The following FAM200B variants were observed in gnomAD, a reference collection of about 807,000 sequenced individuals.
The protein encoded by FAM200B is zinc finger BED-type containing 11, also known as protein FAM200B.
A neutral mutation model predicts 33.1 loss-of-function variants in FAM200B; 32 were observed. The ratio of observed to expected loss-of-function variants is 0.97; its 90% confidence interval spans 0.73 to 1.30. The LOEUF (loss-of-function observed/expected upper bound fraction) is 1.30, where lower values mean the gene tolerates loss of function less well. Among genes scored for constraint, FAM200B ranks in the 50% most tolerant of loss-of-function variants. FAM200B has a pLI of 0.00. For synonymous variants in FAM200B, 240 were observed against 264.8 expected, an observed-to-expected ratio of 0.91 and a Z score of 0.91; for missense variants, 741 against 754.0, an observed-to-expected ratio of 0.98 and a Z score of 0.20.
chr4:15,680,404 C>G (rs1180987634), upstream of FAM200B, among the ~76,000 whole-genome samples: 1 of 152,188 alleles, frequency 6.6e-6, no homozygotes, highest in Non-Finnish European at 1.5e-5. Context: ...GGTGCAGTGG[C>G]TCACCCCTGT....
chr4:15,671,610 A>G, the FAM200B span, among the ~76,000 whole-genome samples: 2 of 152,020 alleles, frequency 1.3e-5, no homozygotes, highest in Non-Finnish European at 2.9e-5. Flanking sequence ...CTTGGAGTTC[A>G]TATCTTCTTG....
chr4:15,661,172 G>T, the FAM200B span, among the ~76,000 whole-genome samples: 1 of 151,984 alleles, frequency 6.6e-6, no homozygotes, highest in Non-Finnish European at 1.5e-5. Context: ...TCCCTAAAAT[G>T]TCTCTACCAA....
rs1380878318 is a variant in FAM200B, at chr4:15,689,601, T to TTA, written c.*652_*653dup. The stretch of plus-strand genomic sequence containing the variant: ...CCATCCTGGGCAACATAGTGAGACC[T>TTA]TATTTCTACTAAAAATATTTTAAAA... On this transcript the variant is annotated 3_prime_UTR_variant, in exon 2 of 2. Transcript: ENST00000422728. The TTA allele has an allele frequency of 7.3e-5, 12 of 164,516 alleles. No homozygotes were observed. The highest frequency in any genetic ancestry group is 2.4e-5 in the African/African-American group (1 of 41,410). 10.2% of individuals were successfully genotyped at this position (164,516 alleles called of 1,614,324 possible). A position where few individuals can be genotyped will look rare whatever the true frequency, so the allele number is the denominator to read the frequency against.
the FAM200B span, among the ~76,000 whole-genome samples, chr4:15,674,268 A>G: frequency 6.6e-6 from 1 of 151,616 alleles, no homozygotes; most frequent in Non-Finnish European, 1.5e-5. Flanking sequence ...TTTGGAGGAA[A>G]TAGGATTGTT....
At chr4:15,674,901 G>A in the FAM200B span, among the ~76,000 whole-genome samples, 1 of 151,996 alleles carries the variant, frequency 6.6e-6, no homozygotes, top group African/African-American at 2.4e-5. Flanking sequence ...CGTCTGCCTC[G>A]GCCTCCCAAA....
the FAM200B span, chr4:15,640,981 A>G: frequency 9.5e-4 from 481 of 505,552 alleles, 2 homozygotes; most frequent in South Asian, 4.2e-3. Flanking sequence ...ACCTCCGGGG[A>G]AAAAAAAATA....
chr4:15,670,139 A>G, the FAM200B span, among the ~76,000 whole-genome samples: 2 of 152,164 alleles, frequency 1.3e-5, no homozygotes, highest in African/African-American at 2.4e-5. Context: ...TAGTATTCTC[A>G]TATGTGTTCC....
Position 15,688,905 on chromosome 4 carries a change from T to C in FAM200B, c.1928T>C (p.Val643Ala). The change falls in exon 2 of 2, where the codon GTT (valine) becomes GCT (alanine). Residue 643 changes from valine (V) to alanine (A), a missense_variant. Transcript: ENST00000422728. ...AVMRVALSSC[V>A]PDWNELMNRQ... ...ATGCGGGTAGCATTATCTTCCTGTGTTCCAGACTGGAATGAACTTATGAAC... is the reference window on the plus strand; with the variant it reads ...ATGCGGGTAGCATTATCTTCCTGTGCTCCAGACTGGAATGAACTTATGAAC... 1 of 1,543,624 alleles carries C rather than the reference T, an allele frequency of 6.5e-7. No individual in the cohort carries two copies. Among genetic ancestry groups the C allele is most frequent in the South Asian group, 1.2e-5 (1 of 82,934 alleles).
At chr4:15,655,404 G>C in the FAM200B span, 1 of 1,021,220 alleles carries the variant, frequency 9.8e-7, no homozygotes, top group Non-Finnish European at 1.2e-6. Context: ...GTCGGCGCGC[G>C]CGCCCGGTCG....
Position 15,686,849 on chromosome 4 carries a change from T to C in FAM200B, c.-129T>C, listed in dbSNP as rs1459294000. 6.1e-6 allele frequency: 3 copies of C among 488,074 alleles called. No individual in the cohort carries two copies. The highest frequency in any genetic ancestry group is 3.6e-6 in the Non-Finnish European group (1 of 277,910). The allele number at this position is 488,074 out of a possible 1,614,324, so 30.2% of individuals were successfully genotyped here. ...GCAACTAGTTGTGAAGTCTGAAATATTCGATTCAATTGCAAACTTTGAGTG... is the reference window on the plus strand; with the variant it reads ...GCAACTAGTTGTGAAGTCTGAAATACTCGATTCAATTGCAAACTTTGAGTG... On this transcript the variant is annotated 5_prime_UTR_variant, in exon 2 of 2. Transcript: ENST00000422728.
At chr4:15,636,817 G>A in the FAM200B span, 1 of 589,524 alleles carries the variant, frequency 1.7e-6, no homozygotes, top group South Asian at 2.6e-5. Flanking sequence ...GAAATAACAT[G>A]TATTAGAGGT....
chr4:15,676,008 A>G, the FAM200B span, among the ~76,000 whole-genome samples: 1 of 152,228 alleles, frequency 6.6e-6, no homozygotes, highest in Admixed American at 6.5e-5. Flanking sequence ...GGTGAAAAAG[A>G]GCTCTACTTT....
chr4:15,658,574 C>T, the FAM200B span, among the ~76,000 whole-genome samples: 5 of 151,854 alleles, frequency 3.3e-5, no homozygotes, highest in East Asian at 7.7e-4. Context: ...CTGAGTCCCT[C>T]GCCATGTGAT....
rs1308104705 is a variant in FAM200B, at chr4:15,688,023, C to T, written c.1046C>T (p.Ala349Val). 1 of 1,550,438 alleles carries T rather than the reference C, an allele frequency of 6.4e-7. No homozygotes were observed. The highest frequency in any genetic ancestry group is 8.7e-7 in the Non-Finnish European group (1 of 1,146,190). The change falls in exon 2 of 2, where the codon GCA becomes GTA. Residue 349 changes from alanine to valine, a missense_variant. Physicochemically the swap from Ala to Val is moderately conservative, Grantham distance 64 (BLOSUM62 0). Coordinates refer to ENST00000422728, the MANE Select transcript of FAM200B (RefSeq NM_001145191.2). ...PQNLMEVLKN[A>V]VKVVNFIKGS... ...AATCTCATGGAGGTATTGAAAAATG[C>T]AGTGAAAGTTGTTAATTTTATTAAA...
At chr4:15,653,523 C>A in the FAM200B span, among the ~76,000 whole-genome samples, 1 of 152,154 alleles carries the variant, frequency 6.6e-6, no homozygotes, top group African/African-American at 2.4e-5. Flanking sequence ...GGAAAATGGA[C>A]ACACGCACAA....
upstream of FAM200B, among the ~76,000 whole-genome samples, chr4:15,678,263 C>T (rs767023223): frequency 2.0e-5 from 3 of 152,166 alleles, no homozygotes; most frequent in Non-Finnish European, 4.4e-5. Flanking sequence ...TTCAATCTAA[C>T]AAGAATGGCT....
At chr4:15,647,696 C>G in the FAM200B span, among the ~76,000 whole-genome samples, 6 of 152,168 alleles carry the variant, frequency 3.9e-5, no homozygotes, top group Non-Finnish European at 8.8e-5. Context: ...CAGGTAGAAT[C>G]TATATCCAGC....
At position 15,686,357 on chromosome 4, in the gene FAM200B, G is replaced by T. The variant is rs983014661; in HGVS notation, c.-621G>T. On this transcript the variant is annotated 5_prime_UTR_variant, in exon 2 of 2. The change creates a premature stop within an existing upstream ORF in the 5' untranslated region. Coordinates refer to ENST00000422728, the MANE Select transcript of FAM200B (RefSeq NM_001145191.2). ...GGATCAGACCATAAAAATGATCCAG[G>T]AATGAAAATCTAAGATAAATTCCCA... 6.6e-6 allele frequency: 1 copy of T among 152,084 alleles called. No homozygotes were observed. The highest frequency in any genetic ancestry group is 1.5e-5 in the Non-Finnish European group (1 of 68,022). 9.4% of individuals were successfully genotyped at this position (152,084 alleles called of 1,614,324 possible).
the FAM200B span, among the ~76,000 whole-genome samples, chr4:15,642,037 AAAG>A: frequency 2.0e-5 from 3 of 152,122 alleles, no homozygotes; most frequent in Middle Eastern, 3.4e-3. Context: ...TAAAAAAAAA[AAAG>A]AAAAAATTAT....
Sources: gnomAD v4.1 joint callset for allele counts (sites outside exome capture counted in the v4.1 genomes callset) on GRCh38, gnomAD v4.1.1 for gene constraint, MANE v1.5 for transcripts, NCBI Gene and HGNC (gene_info 2026-07-23, HGNC 2026-07-21) for gene names.